Variants in ZNF674 observed in about 807,000 individuals in gnomAD.
ZNF674 encodes the protein zinc finger family member 674.
ZNF674 carries 2 observed loss-of-function variants against 7.0 expected under a neutral mutation model. That is an observed-to-expected ratio of 0.29 (90% CI 0.12 to 0.90). ZNF674 has a LOEUF of 0.90. Among genes scored for constraint, ZNF674 ranks in the 40% least tolerant of loss-of-function variants. ZNF674 has a pLI of 0.57. For missense variants in ZNF674, 297 were observed against 415.5 expected, an observed-to-expected ratio of 0.71 and a Z score of 2.48; for synonymous variants, 103 against 145.2, an observed-to-expected ratio of 0.71 and a Z score of 2.09.
intron 3 of ZNF674, among the ~76,000 whole-genome samples, chrX:46,537,410 T>C (rs1024600182): frequency 9.0e-6 from 1 of 111,212 alleles, no homozygotes; most frequent in African/African-American, 3.3e-5. Flanking sequence ...TGTATATATA[T>C]AAAACAAAAA....
chrX:46,515,167 A>G (rs1941738966), intron 5 of ZNF674, among the ~76,000 whole-genome samples: 1 of 110,890 alleles, frequency 9.0e-6, no homozygotes, highest in Non-Finnish European at 1.9e-5. Flanking sequence ...TCACGAGTTC[A>G]AGACTAGCCT....
chrX:46,527,813 C>T (rs1942035384), intron 5 of ZNF674: 1 of 121,861 alleles, frequency 8.2e-6, no homozygotes, highest in African/African-American at 3.3e-5. Flanking sequence ...GGGTACCAGG[C>T]TGGGTAGAGT....
intron 3 of ZNF674, among the ~76,000 whole-genome samples, chrX:46,531,508 C>T (rs1239910820): frequency 1.8e-5 from 2 of 111,738 alleles, no homozygotes; most frequent in African/African-American, 6.5e-5. Flanking sequence ...ATGGAATTGA[C>T]TTAGAGGAGA....
chrX:46,509,682 C>G lies in ZNF674; in HGVS notation c.239-8347G>C, dbSNP rs866751523. On this transcript the variant is annotated intron_variant, in intron 5 of 5. Transcript: ENST00000683375. ...GTGGAGAAATAGGAACACTTTTACA[C>G]TGTTGGTGGGACTGTAAACTAGTTC... Among the ~76,000 whole-genome samples, 55 of 96,952 alleles carry G rather than the reference C, an allele frequency of 5.7e-4. 1 individual carries two copies. The highest frequency in any genetic ancestry group is 2.0e-3 in the African/African-American group (53 of 26,354). The allele number at this position is 96,952 out of a possible 115,157, so 84.2% of individuals were successfully genotyped here.
At position 46,499,675 on chromosome X, in the gene ZNF674, T is replaced by A. The variant is rs1941376109; in HGVS notation, c.*168A>T. On this transcript the variant is annotated 3_prime_UTR_variant, in exon 6 of 6. Coordinates refer to ENST00000683375, the MANE Select transcript of ZNF674 (RefSeq NM_001190417.2). ...TCACATTTATTGACACCTCTGGAATTATACTTTTGTACTTTGTATTAAGTT... is the reference window on the plus strand; with the variant it reads ...TCACATTTATTGACACCTCTGGAATAATACTTTTGTACTTTGTATTAAGTT... 1 of 396,627 alleles carries A rather than the reference T, an allele frequency of 2.5e-6. No individual in the cohort carries two copies. Among genetic ancestry groups the A allele is most frequent in the Non-Finnish European group, 4.1e-6 (1 of 245,631 alleles). 32.7% of individuals were successfully genotyped at this position (396,627 alleles called of 1,213,427 possible). A position where few individuals can be genotyped will look rare whatever the true frequency, so the allele number is the denominator to read the frequency against.
At chrX:46,511,547 T>C (rs1049885038) in intron 5 of ZNF674, among the ~76,000 whole-genome samples, 1 of 112,021 alleles carries the variant, frequency 8.9e-6, no homozygotes, top group African/African-American at 3.2e-5. Context: ...AATTCAATAG[T>C]ATAAAGATGC....
chrX:46,529,268 G>C lies in ZNF674; in HGVS notation c.16-359C>G, dbSNP rs1942065632. The C allele has an allele frequency of 4.1e-5, 9 of 217,491 alleles. No homozygotes were observed. In the South Asian group the frequency reaches 8.5e-4, roughly 21 times the overall value. 17.9% of individuals were successfully genotyped at this position (217,491 alleles called of 1,213,427 possible). ...TAAAATCATTTTGAACTTTATAGGA[G>C]AAAGAGATAGAGTATGAGAAATATC... On this transcript the variant is annotated intron_variant, in intron 3 of 5. Transcript: ENST00000683375.
intron 5 of ZNF674, among the ~76,000 whole-genome samples, chrX:46,515,231 T>C (rs1475166738): frequency 9.1e-6 from 1 of 110,134 alleles, no homozygotes; most frequent in Admixed American, 9.8e-5. Flanking sequence ...TAGCCAGGCA[T>C]GGTGGTGTAC....
At chrX:46,538,676 GA>G (rs962593702) in intron 3 of ZNF674, among the ~76,000 whole-genome samples, 1 of 111,790 alleles carries the variant, frequency 8.9e-6, no homozygotes, top group African/African-American at 3.2e-5. Context: ...AGAATTGCTT[GA>G]ATTCAGGCAT....
intron 5 of ZNF674, among the ~76,000 whole-genome samples, chrX:46,507,867 T>A (rs1361170812): frequency 8.9e-6 from 1 of 111,833 alleles, no homozygotes; most frequent in Non-Finnish European, 1.9e-5. Flanking sequence ...AATACCTGGG[T>A]ATCCACCACC....
intron 5 of ZNF674, among the ~76,000 whole-genome samples, chrX:46,512,880 T>C (rs1941686963): frequency 8.9e-6 from 1 of 111,825 alleles, no homozygotes; most frequent in Admixed American, 9.6e-5. Flanking sequence ...AGGAAAGATA[T>C]TGACTATACA....
chrX:46,515,981 G>C (rs987073818), intron 5 of ZNF674, among the ~76,000 whole-genome samples: 1 of 111,487 alleles, frequency 9.0e-6, no homozygotes, highest in Non-Finnish European at 1.9e-5. Flanking sequence ...AGCTAAATCA[G>C]TACTTAGAGA....
chrX:46,525,157 T>C (rs950743894), intron 5 of ZNF674, among the ~76,000 whole-genome samples: 3 of 111,357 alleles, frequency 2.7e-5, no homozygotes, highest in Admixed American at 9.7e-5. Context: ...TCCTCAAGCA[T>C]TGTCAGCCCA....
At chrX:46,502,728 G>C (rs1941458933) in intron 5 of ZNF674, among the ~76,000 whole-genome samples, 1 of 111,998 alleles carries the variant, frequency 8.9e-6, no homozygotes, top group Non-Finnish European at 1.9e-5. Flanking sequence ...ATGATAGGCA[G>C]ACAGCATAAG....
rs766008480 is a variant in ZNF674 at position 46,503,908 on chromosome X, G to A, written c.239-2573C>T. ...CAAAAAATTAGCTGGGCATGGTGGC[G>A]CACACCTATAGTCCCAGCTACTTAG... On this transcript the variant is annotated intron_variant, in intron 5 of 5. Transcript: ENST00000683375. Among the ~76,000 whole-genome samples, 4 of 110,838 alleles carry A rather than the reference G, an allele frequency of 3.6e-5. No homozygotes were observed. The East Asian group carries it at 8.5e-4, about 23-fold the overall frequency.
intron 5 of ZNF674, among the ~76,000 whole-genome samples, chrX:46,510,641 A>G (rs1941636769): frequency 8.9e-6 from 1 of 111,862 alleles, no homozygotes; most frequent in Admixed American, 9.5e-5. Flanking sequence ...AATATAAAAA[A>G]TTAGCCAGGC....
chrX:46,511,760 A>G (rs1941657781), intron 5 of ZNF674, among the ~76,000 whole-genome samples: 2 of 112,154 alleles, frequency 1.8e-5, no homozygotes, highest in African/African-American at 3.2e-5. Flanking sequence ...GCAATGGCTC[A>G]TGCCTATAAT....
rs993402636 is a variant in ZNF674, at chrX:46,512,109, C to T, written c.239-10774G>A. 4.5e-5 allele frequency among the ~76,000 whole-genome samples: 5 copies of T among 111,791 alleles called. No homozygotes were observed. The Admixed American group carries it at 4.7e-4, about 11-fold the overall frequency. On this transcript the variant is annotated intron_variant, in intron 5 of 5. Transcript: ENST00000683375. The stretch of plus-strand genomic sequence containing the variant: ...GCCACAGTGGCTCACGCCTGTAATC[C>T]CAGCACTTTGGGAGGCCGAGGCGGG...
At chrX:46,514,795 A>G (rs1941731282) in intron 5 of ZNF674, among the ~76,000 whole-genome samples, 1 of 112,002 alleles carries the variant, frequency 8.9e-6, no homozygotes, top group Admixed American at 9.5e-5. Flanking sequence ...TGAGTGGGGG[A>G]GAAAGGGAAG....
Sources: gnomAD v4.1 joint callset for allele counts (sites outside exome capture counted in the v4.1 genomes callset) on GRCh38, gnomAD v4.1.1 for gene constraint, MANE v1.5 for transcripts, NCBI Gene and HGNC (gene_info 2026-07-23, HGNC 2026-07-21) for gene names.